Variants in NDP observed in about 807,000 individuals in gnomAD.
The protein encoded by NDP is norrin.
NDP carries 2 observed loss-of-function variants against 8.4 expected under a neutral mutation model. The ratio of observed to expected loss-of-function variants is 0.24; its 90% confidence interval spans 0.10 to 0.75. The LOEUF (loss-of-function observed/expected upper bound fraction) is 0.75, where lower values mean the gene tolerates loss of function less well. NDP is among the 30% of genes least tolerant of loss of function. The pLI is 0.73. For missense variants in NDP, 81 were observed against 110.1 expected (o/e 0.74, Z 1.18); for synonymous variants, 55 against 45.6 (o/e 1.21, Z -0.83).
At chrX:43,958,332 C>T (rs2035807273) in intron 2 of NDP, 140 bp downstream of exon 2, 1 of 720,915 alleles carries the variant, frequency 1.4e-6, no homozygotes, top group African/African-American at 2.1e-5. Flanking sequence ...CTAAAAGCCT[C>T]ATTCTCCCAC....
Position 43,949,966 on chromosome X carries a change from C to T in NDP, c.235G>A (p.Val79Met), listed in dbSNP as rs1602063239. The change falls in exon 3 of 3, where the codon GTG becomes ATG. Residue 79 changes from valine to methionine, a missense_variant. Coordinates refer to ENST00000642620, the MANE Select transcript of NDP (RefSeq NM_000266.4). ...TGCTTGAGGACAGTGCTGAACGACA[C>T]CAAAGGCTCGGAGCGTGACGCCTGG... ...CSQASRSEPL[V>M]SFSTVLKQPF... 1.7e-6 allele frequency: 2 copies of T among 1,208,662 alleles called. No homozygotes were observed. The highest frequency in any genetic ancestry group is 2.2e-6 in the Non-Finnish European group (2 of 894,075).
At chrX:43,953,471 TGTC>T (rs1166355920) in intron 2 of NDP, 6 of 112,607 alleles carry the variant, frequency 5.3e-5, no homozygotes, top group African/African-American at 1.9e-4. Flanking sequence ...TTCCAGTTGA[TGTC>T]AGTCCTACTG....
chrX:43,950,949 C>T (rs1322133381), intron 2 of NDP, among the ~76,000 whole-genome samples: 1 of 111,363 alleles, frequency 9.0e-6, no homozygotes, highest in African/African-American at 3.3e-5. Context: ...ATACAAAACT[C>T]CTGGTATCCT....
At chrX:43,961,160 T>A (rs1569246139) in intron 1 of NDP, among the ~76,000 whole-genome samples, 1 of 112,796 alleles carries the variant, frequency 8.9e-6, no homozygotes. Flanking sequence ...GATTCCGAAG[T>A]CTGATCATGC....
chrX:43,955,765 G>A (rs1040603716), intron 2 of NDP, among the ~76,000 whole-genome samples: 9 of 112,360 alleles, frequency 8.0e-5, no homozygotes, highest in Non-Finnish European at 1.5e-4. Flanking sequence ...CTCCCTCTCA[G>A]TCCTTTCCGG....
chrX:43,952,301 C>G (rs1162890237), intron 2 of NDP, among the ~76,000 whole-genome samples: 1 of 111,873 alleles, frequency 8.9e-6, no homozygotes, highest in African/African-American at 3.3e-5. Context: ...GTGGGAAGAG[C>G]TGCTTGATAC....
intron 1 of NDP, among the ~76,000 whole-genome samples, chrX:43,963,762 T>C (rs1179955534): frequency 8.9e-6 from 1 of 112,558 alleles, no homozygotes; most frequent in East Asian, 2.8e-4. Context: ...CCTTGGAGAA[T>C]AAGTCAAATG....
At chrX:43,954,242 C>A (rs1490259636) in intron 2 of NDP, among the ~76,000 whole-genome samples, 1 of 111,079 alleles carries the variant, frequency 9.0e-6, no homozygotes, top group Admixed American at 9.5e-5. Context: ...CTTCAGGGAC[C>A]CAGGTCAACC....
chrX:43,957,987 C>A (rs1447008053), intron 2 of NDP, among the ~76,000 whole-genome samples: 1 of 109,439 alleles, frequency 9.1e-6, no homozygotes, highest in Non-Finnish European at 1.9e-5. Context: ...ATCATATTGC[C>A]ATCTTATCTT....
intron 1 of NDP, among the ~76,000 whole-genome samples, chrX:43,961,531 G>A (rs1198273444): frequency 8.9e-6 from 1 of 112,092 alleles, no homozygotes; most frequent in Non-Finnish European, 1.9e-5. Context: ...GTATAGCAAA[G>A]CTCTGAAAGG....
Sources: gnomAD v4.1 joint callset for allele counts (sites outside exome capture counted in the v4.1 genomes callset) on GRCh38, gnomAD v4.1.1 for gene constraint, MANE v1.5 for transcripts, NCBI Gene and HGNC (gene_info 2026-07-23, HGNC 2026-07-21) for gene names.